GALNT17: variants seen among roughly 807,000 people sequenced by gnomAD.
GALNT17 encodes the protein polypeptide N-acetylgalactosaminyltransferase 17.
In GALNT17, 29 loss-of-function variants were observed where a neutral mutation model predicts 63.7. That is an observed-to-expected ratio of 0.46 (90% confidence interval 0.34 to 0.62). The LOEUF is 0.62. Among genes scored for constraint, GALNT17 ranks in the 20% least tolerant of loss-of-function variants. The probability of loss-of-function intolerance (pLI) is 0.01; values close to 1 mark genes in which losing one functional copy is unlikely to be tolerated. For synonymous variants in GALNT17, 305 were observed against 318.3 expected (o/e 0.96, Z 0.45); for missense variants, 603 against 799.6 (o/e 0.75, Z 2.97).
chr7:71,164,469 G>A (rs1227742616), intron 1 of GALNT17, among the ~76,000 whole-genome samples: 8 of 152,180 alleles, frequency 5.3e-5, no homozygotes, highest in Admixed American at 2.0e-4. Context: ...ATCCTCCCTC[G>A]ACTCGTGGGG....
At chr7:71,364,948 T>TTTTTATAAAAA (rs3061698) in intron 2 of GALNT17, among the ~76,000 whole-genome samples, 3 of 152,092 alleles carry the variant, frequency 2.0e-5, no homozygotes, top group African/African-American at 4.8e-5. Flanking sequence ...ATTTTTATTT[T>TTTTTATAAAAA]GAGATGGAGT....
At chr7:71,637,151 G>A (rs1790538315) in intron 6 of GALNT17, among the ~76,000 whole-genome samples, 1 of 152,070 alleles carries the variant, frequency 6.6e-6, no homozygotes, top group Non-Finnish European at 1.5e-5. Context: ...TTACATGCTA[G>A]CTCTCATTAC....
rs76812016 is a variant in GALNT17 at position 71,551,669 on chromosome 7, A to G, written c.963-19616A>G. On this transcript the variant is annotated intron_variant, in intron 5 of 10. Transcript: ENST00000333538. Reference sequence around the variant, plus strand: ...GTAGTCCTAGCTACTTGGAAGGCTAATGCACTGGAGCCTGGGAGGTTGACG... The same window carrying G: ...GTAGTCCTAGCTACTTGGAAGGCTAGTGCACTGGAGCCTGGGAGGTTGACG... Among the ~76,000 whole-genome samples, 968 of 152,076 alleles carry G rather than the reference A, an allele frequency of 6.4e-3. 10 individuals carry two copies. Among genetic ancestry groups the G allele is most frequent in the African/African-American group, 0.022 (927 of 41,470 alleles).
At chr7:71,606,526 C>T (rs910337685) in intron 6 of GALNT17, among the ~76,000 whole-genome samples, 1 of 152,156 alleles carries the variant, frequency 6.6e-6, no homozygotes, top group Non-Finnish European at 1.5e-5. Flanking sequence ...GTGGCAGCAA[C>T]AGCACACTTC....
intron 6 of GALNT17, among the ~76,000 whole-genome samples, chr7:71,636,297 G>A (rs374817546): frequency 1.2e-4 from 18 of 152,164 alleles, no homozygotes; most frequent in Admixed American, 6.5e-4. Context: ...GGGAGTGGGG[G>A]ACACAGGGAG....
At chr7:71,157,353 T>A (rs181109045) in intron 1 of GALNT17, among the ~76,000 whole-genome samples, 3 of 151,452 alleles carry the variant, frequency 2.0e-5, no homozygotes, top group African/African-American at 7.3e-5. Flanking sequence ...TTAAAAACTT[T>A]AAAAAAATTG....
At chr7:71,499,803 C>T (rs1408216350) in intron 5 of GALNT17, among the ~76,000 whole-genome samples, 1 of 152,196 alleles carries the variant, frequency 6.6e-6, no homozygotes, top group African/African-American at 2.4e-5. Context: ...CAAATCTCAT[C>T]TTAAATTGTA....
intron 6 of GALNT17, among the ~76,000 whole-genome samples, chr7:71,582,323 G>A (rs1013608224): frequency 2.6e-5 from 4 of 151,492 alleles, no homozygotes; most frequent in African/African-American, 4.9e-5. Context: ...ACCTGTAATC[G>A]CAGCACTTTG....
chr7:71,242,796 G>A (rs1208759632), intron 1 of GALNT17, among the ~76,000 whole-genome samples: 1 of 152,186 alleles, frequency 6.6e-6, no homozygotes, highest in East Asian at 1.9e-4. Context: ...TTAGGTCTCT[G>A]TCACAAACAG....
At chr7:71,538,650 G>C (rs369912811) in intron 5 of GALNT17, among the ~76,000 whole-genome samples, 2 of 152,248 alleles carry the variant, frequency 1.3e-5, no homozygotes, top group South Asian at 2.1e-4. Context: ...TAATGTGGTG[G>C]CAGGAACAGC....
chr7:71,598,226 G>A (rs1376506235), intron 6 of GALNT17, among the ~76,000 whole-genome samples: 2 of 152,184 alleles, frequency 1.3e-5, no homozygotes, highest in Non-Finnish European at 2.9e-5. Flanking sequence ...ACAGGCATGA[G>A]CCACCGTGCC....
chr7:71,674,462 C>A (rs2117062139), intron 8 of GALNT17, among the ~76,000 whole-genome samples: 1 of 152,234 alleles, frequency 6.6e-6, no homozygotes, highest in South Asian at 2.1e-4. Context: ...CCTCCCACCT[C>A]AGCCTCCCTA....
intron 5 of GALNT17, among the ~76,000 whole-genome samples, chr7:71,564,311 G>GTC (rs1190527782): frequency 8.2e-6 from 1 of 122,154 alleles, no homozygotes; most frequent in Non-Finnish European, 1.6e-5. Flanking sequence ...TTGAGATGGA[G>GTC]TCTCACTCTG....
intron 2 of GALNT17, among the ~76,000 whole-genome samples, chr7:71,339,249 T>G (rs1791965709): frequency 6.6e-6 from 1 of 152,168 alleles, no homozygotes. Context: ...TTACTTCTTG[T>G]CTAGGGAGGA....
At chr7:71,282,154 C>G (rs1790789752) in intron 1 of GALNT17, among the ~76,000 whole-genome samples, 1 of 152,170 alleles carries the variant, frequency 6.6e-6, no homozygotes. Flanking sequence ...TCCCAAAACC[C>G]ATTCAGTGTG....
At chr7:71,231,538 G>A (rs11769036) in intron 1 of GALNT17, among the ~76,000 whole-genome samples, 3,800 of 152,172 alleles carry the variant, frequency 0.025, 100 homozygotes, top group Non-Finnish European at 0.034. Context: ...TGGCTTAAAC[G>A]ACAGACATCT....
At chr7:71,442,021 A>G (rs1364053769) in intron 5 of GALNT17, among the ~76,000 whole-genome samples, 1 of 152,098 alleles carries the variant, frequency 6.6e-6, no homozygotes, top group Non-Finnish European at 1.5e-5. Flanking sequence ...TGCTGGGTCA[A>G]ATGGTATTTC....
At chr7:71,252,234 A>G (rs969621266) in intron 1 of GALNT17, among the ~76,000 whole-genome samples, 1 of 152,096 alleles carries the variant, frequency 6.6e-6, no homozygotes, top group African/African-American at 2.4e-5. Flanking sequence ...AAAAAAAAAA[A>G]AAAAAGATGA....
chr7:71,573,303 C>A (rs2116882587), intron 6 of GALNT17, among the ~76,000 whole-genome samples: 1 of 151,482 alleles, frequency 6.6e-6, no homozygotes, highest in Non-Finnish European at 1.5e-5. Flanking sequence ...AGCTCCCATG[C>A]CTGGCCTTTA....
Sources: gnomAD v4.1 joint callset for allele counts (sites outside exome capture counted in the v4.1 genomes callset) on GRCh38, gnomAD v4.1.1 for gene constraint, MANE v1.5 for transcripts, NCBI Gene and HGNC (gene_info 2026-07-23, HGNC 2026-07-21) for gene names.